Variants in SGSM1 observed in about 807,000 individuals in gnomAD.
The protein encoded by SGSM1 is RUN and TBC1 domain containing 2.
In SGSM1, 73 loss-of-function variants were observed where a neutral mutation model predicts 133.8. That is an observed-to-expected ratio of 0.55 (90% CI 0.45 to 0.66). The LOEUF is 0.66. SGSM1 is among the 30% of genes least tolerant of loss of function. The pLI is 0.00. For synonymous variants in SGSM1, 563 were observed against 573.0 expected (o/e 0.98, Z 0.25); for missense variants, 1,213 against 1,448.1 (o/e 0.84, Z 2.64).
Position 24,895,311 on chromosome 22 carries a change from G to T in SGSM1, c.2022+20G>T, listed in dbSNP as rs1932889322. 1 of 1,603,598 alleles carries T rather than the reference G, an allele frequency of 6.2e-7. No homozygotes were observed. The highest frequency in any genetic ancestry group is 1.3e-5 in the African/African-American group (1 of 74,706). On this transcript the variant is annotated intron_variant, in intron 18 of 24. Coordinates refer to ENST00000400358, the MANE Select transcript of SGSM1 (RefSeq NM_001098497.3). ...ACACAGGTGACCTTGTGGAGGCCTC[G>T]CCCCCTCCCACCCACTCCTCTCCCT...
At chr22:24,807,823 GGGCAGCCTCGA>G (rs533883291) in intron 2 of SGSM1, among the ~76,000 whole-genome samples, 200 of 151,852 alleles carry the variant, frequency 1.3e-3, no homozygotes, top group African/African-American at 4.0e-3. Flanking sequence ...CAGCCACCAA[GGGCAGCCTCGA>G]GGCTTGGACC....
chr22:24,809,907 G>A (rs1927632940), intron 2 of SGSM1, among the ~76,000 whole-genome samples: 1 of 152,194 alleles, frequency 6.6e-6, no homozygotes. Flanking sequence ...CGTTTCAGAA[G>A]ACAGGTGCAA....
At chr22:24,814,161 T>G (rs1733790209) in intron 2 of SGSM1, 1 of 152,126 alleles carries the variant, frequency 6.6e-6, no homozygotes, top group South Asian at 2.1e-4. Flanking sequence ...CAAGTATTTA[T>G]TCAAGACTAA....
chr22:24,813,866 G>C lies in SGSM1; in HGVS notation c.63+7382G>C, dbSNP rs1311823961. Reference sequence around the variant, plus strand: ...GCTCCAGGAGCTGGTGGTAGCATTTGTTGCTGGCTGGCCGGTAGGAAAGGG... The same window carrying C: ...GCTCCAGGAGCTGGTGGTAGCATTTCTTGCTGGCTGGCCGGTAGGAAAGGG... On this transcript the variant is annotated intron_variant, in intron 2 of 24. Coordinates refer to ENST00000400358, the MANE Select transcript of SGSM1 (RefSeq NM_001098497.3). 1.6e-4 allele frequency: 24 copies of C among 152,390 alleles called. 1 individual carries two copies. Among genetic ancestry groups the C allele is most frequent in the Admixed American group, 1.6e-3 (24 of 15,270 alleles). 9.4% of individuals were successfully genotyped at this position (152,390 alleles called of 1,614,324 possible).
At chr22:24,905,613 C>T (rs557153830) in intron 21 of SGSM1, among the ~76,000 whole-genome samples, 17 of 151,908 alleles carry the variant, frequency 1.1e-4, no homozygotes, top group Middle Eastern at 3.4e-3. Context: ...CGGTGAAACC[C>T]TGTCTCTACT....
chr22:24,857,921 G>A (rs1333961165), intron 8 of SGSM1, among the ~76,000 whole-genome samples: 1 of 152,060 alleles, frequency 6.6e-6, no homozygotes, highest in African/African-American at 2.4e-5. Context: ...CCTGATCCAG[G>A]AGCACAGGAA....
rs115147153 is a variant in SGSM1 at position 24,908,016 on chromosome 22, C to T, written c.2818+2829C>T. 7.8e-3 allele frequency among the ~76,000 whole-genome samples: 1,159 copies of T among 148,528 alleles called. 16 individuals carry two copies. The highest frequency in any genetic ancestry group is 0.027 in the African/African-American group (1,109 of 40,398). ...ATAGTGATATTTCTGTAAGGATCAA[C>T]ATGTAGATCAATGGAATAGAATTGA... is the stretch of plus-strand genomic sequence containing the variant. On this transcript the variant is annotated intron_variant, in intron 21 of 24. Coordinates refer to ENST00000400358, the MANE Select transcript of SGSM1 (RefSeq NM_001098497.3).
rs146353242 is a variant in SGSM1, at chr22:24,807,553, G to C, written c.63+1069G>C. Among the ~76,000 whole-genome samples the C allele has an allele frequency of 4.1e-3, 621 of 152,080 alleles. 5 individuals are homozygous for C. Among genetic ancestry groups the C allele is most frequent in the African/African-American group, 0.013 (527 of 41,480 alleles). On this transcript the variant is annotated intron_variant, in intron 2 of 24. Coordinates refer to ENST00000400358, the MANE Select transcript of SGSM1 (RefSeq NM_001098497.3). The stretch of plus-strand genomic sequence containing the variant: ...TAGGGCTGTGACTCCGTCTGTGTGC[G>C]TGTGTCTTGTGTGTTGCCCTCCCCA...
At chr22:24,814,429 C>T (rs1233367244) in intron 2 of SGSM1, among the ~76,000 whole-genome samples, 2 of 152,080 alleles carry the variant, frequency 1.3e-5, no homozygotes, top group African/African-American at 4.8e-5. Flanking sequence ...GCCCTAAGGT[C>T]TCAGAGATTG....
intron 2 of SGSM1, among the ~76,000 whole-genome samples, chr22:24,830,997 C>T (rs768780076): frequency 4.3e-4 from 65 of 152,180 alleles, no homozygotes; most frequent in Middle Eastern, 3.4e-3. Context: ...GTATCACAGC[C>T]CTGATTAGAG....
chr22:24,900,263 C>T (rs566717823), intron 19 of SGSM1, among the ~76,000 whole-genome samples: 33 of 152,230 alleles, frequency 2.2e-4, no homozygotes, highest in African/African-American at 6.0e-4. Flanking sequence ...AAGTGATCTA[C>T]CCGCTGTGAC....
At chr22:24,826,821 G>A (rs982338631) in intron 2 of SGSM1, among the ~76,000 whole-genome samples, 6 of 152,046 alleles carry the variant, frequency 3.9e-5, no homozygotes, top group South Asian at 2.1e-4. Flanking sequence ...TGGTGTGCCC[G>A]GCCCTGTTCA....
At chr22:24,887,815 C>T (rs761965327) in intron 16 of SGSM1, among the ~76,000 whole-genome samples, 2 of 152,304 alleles carry the variant, frequency 1.3e-5, no homozygotes, top group Admixed American at 6.5e-5. Context: ...TTTTCTGTGT[C>T]CACCAGCAAA....
At chr22:24,829,470 G>A (rs971419593) in intron 2 of SGSM1, among the ~76,000 whole-genome samples, 10 of 152,242 alleles carry the variant, frequency 6.6e-5, no homozygotes, top group African/African-American at 1.9e-4. Context: ...ACAAACTCAC[G>A]TGACATGAGT....
intron 2 of SGSM1, among the ~76,000 whole-genome samples, chr22:24,817,324 A>G (rs1346842148): frequency 6.6e-6 from 1 of 151,476 alleles, no homozygotes; most frequent in African/African-American, 2.4e-5. Flanking sequence ...TACTTGCTGT[A>G]TGGAGAGAGT....
chr22:24,912,858 G>T, intron 22 of SGSM1, 106 bp downstream of exon 22: 1 of 695,440 alleles, frequency 1.4e-6, no homozygotes, highest in Non-Finnish European at 2.5e-6. Context: ...TTGGAATCCA[G>T]GTTTGTATTT....
chr22:24,918,495 CAA>C (rs36015942), intron 23 of SGSM1, among the ~76,000 whole-genome samples: 4 of 139,058 alleles, frequency 2.9e-5, no homozygotes, highest in Admixed American at 7.3e-5. Context: ...GACTCCATCT[CAA>C]AAAAAAAAAA....
intron 5 of SGSM1, among the ~76,000 whole-genome samples, chr22:24,851,702 C>A (rs1009445374): frequency 6.6e-6 from 1 of 152,158 alleles, no homozygotes; most frequent in African/African-American, 2.4e-5. Context: ...TCCAAGGGGG[C>A]GTGGTGGCGT....
At chr22:24,835,435 T>C (rs1601904832) in intron 2 of SGSM1, among the ~76,000 whole-genome samples, 4 of 152,192 alleles carry the variant, frequency 2.6e-5, no homozygotes. Context: ...CCTGACCTCA[T>C]AGAGCGTAGA....
Sources: allele counts gnomAD v4.1 joint callset (sites outside exome capture counted in the v4.1 genomes callset), GRCh38; gene constraint gnomAD v4.1.1; transcripts MANE v1.5; gene names NCBI Gene and HGNC (gene_info 2026-07-23, HGNC 2026-07-21).